The following PYHIN1 variants were observed in gnomAD, a reference collection of about 807,000 sequenced individuals.
The protein encoded by PYHIN1 is pyrin and HIN domain family member 1, also known as pyrin and HIN domain-containing protein 1.
In PYHIN1, 32 loss-of-function variants were observed where a neutral mutation model predicts 43.7. The ratio of observed to expected loss-of-function variants is 0.73; its 90% CI spans 0.55 to 0.98. The LOEUF (loss-of-function observed/expected upper bound fraction) is 0.98, where lower values mean the gene tolerates loss of function less well. PYHIN1 is among the 50% of genes least tolerant of loss of function. The pLI is 0.00. For missense variants in PYHIN1, 588 were observed against 589.5 expected, an observed-to-expected ratio of 1.00 and a Z score of 0.03; for synonymous variants, 205 against 203.1, an observed-to-expected ratio of 1.01 and a Z score of -0.08.
At chr1:158,978,484 C>T (rs1240004219), downstream of PYHIN1, among the ~76,000 whole-genome samples, 2 of 152,066 alleles carry the variant, frequency 1.3e-5, no homozygotes, top group Non-Finnish European at 2.9e-5. Flanking sequence ...CTAAAACATC[C>T]TCCAAATTCA....
At chr1:158,961,888 G>C (rs2101708984) in intron 7 of PYHIN1, among the ~76,000 whole-genome samples, 1 of 152,200 alleles carries the variant, frequency 6.6e-6, no homozygotes, top group South Asian at 2.1e-4. Flanking sequence ...TTCAGAAAAG[G>C]AGCTGAATCC....
At chr1:158,939,379 C>T (rs1030038089) in intron 4 of PYHIN1, 132 bp downstream of exon 4, 17 of 1,593,314 alleles carry the variant, frequency 1.1e-5, no homozygotes, top group Non-Finnish European at 1.5e-5. Context: ...GAATTCACTG[C>T]ATTTTAATCT....
At chr1:158,980,038 T>C (rs1322659133), downstream of PYHIN1, among the ~76,000 whole-genome samples, 1 of 152,174 alleles carries the variant, frequency 6.6e-6, no homozygotes, top group Non-Finnish European at 1.5e-5. Flanking sequence ...TGCAGCTGCA[T>C]CTATGTTCCT....
chr1:158,965,128 G>C (rs1237538121), intron 7 of PYHIN1, among the ~76,000 whole-genome samples: 1 of 151,882 alleles, frequency 6.6e-6, no homozygotes, highest in Non-Finnish European at 1.5e-5. Flanking sequence ...CCAACAAAGA[G>C]TTAAAAAGAC....
intron 1 of PYHIN1, among the ~76,000 whole-genome samples, chr1:158,932,090 G>A (rs1446067937): frequency 6.6e-6 from 1 of 152,178 alleles, no homozygotes; most frequent in East Asian, 1.9e-4. Flanking sequence ...GGCCATTGGG[G>A]TCTGGGCAAA....
At chr1:158,948,016 C>A (rs1649319086) in intron 7 of PYHIN1, among the ~76,000 whole-genome samples, 1 of 152,194 alleles carries the variant, frequency 6.6e-6, no homozygotes. Flanking sequence ...AGAACTTCAT[C>A]TTAAAATTTT....
chr1:158,941,514 CCT>C (rs1648912133), intron 4 of PYHIN1, among the ~76,000 whole-genome samples: 1 of 152,086 alleles, frequency 6.6e-6, no homozygotes, highest in African/African-American at 2.4e-5. Context: ...TAAAAATTGC[CCT>C]GTCTACATTG....
chr1:158,990,207 A>T, the PYHIN1 span, among the ~76,000 whole-genome samples: 1 of 149,682 alleles, frequency 6.7e-6, no homozygotes, highest in Non-Finnish European at 1.5e-5. Flanking sequence ...GAGCAGTTCT[A>T]GGCTGAAGAA....
intron 7 of PYHIN1, among the ~76,000 whole-genome samples, chr1:158,970,337 G>T (rs1650863121): frequency 6.6e-6 from 1 of 151,874 alleles, no homozygotes; most frequent in Admixed American, 6.6e-5. Context: ...TTGTTACATG[G>T]TTAAATTGCG....
downstream of PYHIN1, among the ~76,000 whole-genome samples, chr1:158,981,449 G>A (rs148211419): frequency 5.9e-5 from 9 of 152,100 alleles, 1 homozygote; most frequent in East Asian, 1.6e-3. Context: ...CCAGCCTGGG[G>A]GACAAGAGCG....
At chr1:158,946,406 T>C (rs907512942) in intron 7 of PYHIN1, among the ~76,000 whole-genome samples, 1 of 152,206 alleles carries the variant, frequency 6.6e-6, no homozygotes, top group African/African-American at 2.4e-5. Context: ...AAACATTTAC[T>C]GCAAATGCTC....
intron 7 of PYHIN1, among the ~76,000 whole-genome samples, chr1:158,946,583 A>ATAGC (rs549102045): frequency 6.6e-6 from 1 of 151,748 alleles, no homozygotes; most frequent in South Asian, 2.1e-4. Flanking sequence ...AGATAGATAG[A>ATAGC]TAGATAGATG....
chr1:158,959,135 C>T (rs1337217019), intron 7 of PYHIN1, among the ~76,000 whole-genome samples: 2 of 151,870 alleles, frequency 1.3e-5, no homozygotes, highest in East Asian at 1.9e-4. Context: ...CAGCGTTCCT[C>T]ACACAGGGCA....
intron 7 of PYHIN1, among the ~76,000 whole-genome samples, chr1:158,958,364 C>G (rs1390859342): frequency 7.2e-6 from 1 of 138,178 alleles, no homozygotes; most frequent in African/African-American, 2.7e-5. Flanking sequence ...CCCAAATGTC[C>G]AACAATGATA....
rs1648947492 is a variant in PYHIN1, at chr1:158,942,024, T to C, written c.627T>C (p.Ile209=). Residue 209 remains isoleucine (I), a synonymous_variant, in exon 5 of 9, where the codon ATT becomes ATC. Coordinates refer to ENST00000368140, the MANE Select transcript of PYHIN1 (RefSeq NM_152501.5). ...GTCACGCAACTGCCAGTAAAAATAT[T>C]TTCCGAGAAGACCCAATAATCGCGA... ...ANRHATASKN[I]FREDPIIAMV... The C allele has an allele frequency of 6.2e-7, 1 of 1,612,248 alleles. No individual in the cohort carries two copies. Among genetic ancestry groups the C allele is most frequent in the Admixed American group, 1.7e-5 (1 of 59,738 alleles).
chr1:158,974,379 AAAGT>A (rs1651125848), intron 8 of PYHIN1, among the ~76,000 whole-genome samples: 1 of 152,210 alleles, frequency 6.6e-6, no homozygotes, highest in East Asian at 1.9e-4. Flanking sequence ...TTCTAATAAT[AAAGT>A]GTTTTTCAAC....
intron 7 of PYHIN1, among the ~76,000 whole-genome samples, chr1:158,954,495 C>T (rs980675737): frequency 1.3e-4 from 19 of 149,448 alleles, no homozygotes; most frequent in African/African-American, 4.7e-4. Context: ...CATATCCAGC[C>T]AAATTAAGCT....
At chr1:158,945,213 T>C in intron 7 of PYHIN1, 171 bp downstream of exon 7, 1 of 579,254 alleles carries the variant, frequency 1.7e-6, no homozygotes, top group Non-Finnish European at 2.8e-6. Flanking sequence ...CACATGATAG[T>C]CTTTGCTATC....
At chr1:158,980,854 T>C (rs1651461778), downstream of PYHIN1, among the ~76,000 whole-genome samples, 1 of 152,122 alleles carries the variant, frequency 6.6e-6, no homozygotes, top group Non-Finnish European at 1.5e-5. Context: ...AAGCATGTTA[T>C]CTTTGTACCT....
Sources: allele counts gnomAD v4.1 joint callset (sites outside exome capture counted in the v4.1 genomes callset), GRCh38; gene constraint gnomAD v4.1.1; transcripts MANE v1.5; gene names NCBI Gene and HGNC (gene_info 2026-07-23, HGNC 2026-07-21).